The following AIMP1 variants were observed in gnomAD, a reference collection of about 807,000 sequenced individuals.
AIMP1 encodes the protein aminoacyl tRNA synthetase complex interacting multifunctional protein 1.
AIMP1 carries 24 observed loss-of-function variants against 33.1 expected under a neutral mutation model. The observed-to-expected ratio is 0.73, with a 90% confidence interval of 0.53 to 1.02. The LOEUF (loss-of-function observed/expected upper bound fraction) is 1.02. Among genes scored for constraint, AIMP1 ranks in the 50% least tolerant of loss-of-function variants. AIMP1 has a pLI of 0.00. For synonymous variants in AIMP1, 120 were observed against 121.5 expected (o/e 0.99, Z 0.08); for missense variants, 367 against 364.8 (o/e 1.01, Z -0.05).
chr4:106,344,326 C>G (rs771550518), intron 6 of AIMP1, among the ~76,000 whole-genome samples: 1 of 152,128 alleles, frequency 6.6e-6, no homozygotes, highest in Non-Finnish European at 1.5e-5. Context: ...GGGAAGGACA[C>G]ATATCCCATT....
Position 106,327,584 on chromosome 4 carries a change from T to A in AIMP1, c.223+20T>A. 1 of 1,576,224 alleles carries A rather than the reference T, an allele frequency of 6.3e-7. No individual in the cohort carries two copies. The highest frequency in any genetic ancestry group is 8.7e-7 in the Non-Finnish European group (1 of 1,148,328). Reference sequence around the variant, plus strand: ...ATGGAGGTAATTAAATATAGAAAATTTGAGTAATCCAGAAGTTAAGAAGTT... The same window carrying A: ...ATGGAGGTAATTAAATATAGAAAATATGAGTAATCCAGAAGTTAAGAAGTT... On this transcript the variant is annotated intron_variant, in intron 3 of 6. Coordinates refer to ENST00000672341, the MANE Select transcript of AIMP1 (RefSeq NM_001142416.2).
At chr4:106,323,490 T>G (rs756699143) in intron 1 of AIMP1, among the ~76,000 whole-genome samples, 2 of 152,110 alleles carry the variant, frequency 1.3e-5, no homozygotes, top group Admixed American at 6.5e-5. Flanking sequence ...ACCTTTAAAC[T>G]CTGCTATTTT....
At chr4:106,335,678 A>T (rs1409525176) in intron 5 of AIMP1, among the ~76,000 whole-genome samples, 1 of 152,146 alleles carries the variant, frequency 6.6e-6, no homozygotes. Context: ...TTCGAAGAGA[A>T]ATATTATTTA....
Position 106,348,034 on chromosome 4 carries a change from A to G in AIMP1, c.*342A>G, listed in dbSNP as rs1770370651. The G allele has an allele frequency of 5.4e-6, 1 of 185,986 alleles. No individual in the cohort carries two copies. Among genetic ancestry groups the G allele is most frequent in the Non-Finnish European group, 1.1e-5 (1 of 88,956 alleles). The allele number at this position is 185,986 out of a possible 1,614,324, so 11.5% of individuals were successfully genotyped here. The stretch of plus-strand genomic sequence containing the variant: ...TATTTGTAGGCACAGGATGCATGAA[A>G]TTTCAAGCTCTGGGATTTTTTGTAT... On this transcript the variant is annotated 3_prime_UTR_variant, in exon 7 of 7. Transcript: ENST00000672341.
chr4:106,349,250 A>T lies in AIMP1; in HGVS notation c.*1558A>T. The T allele has an allele frequency of 6.6e-6, 1 of 151,638 alleles. No individual in the cohort carries two copies. 9.4% of individuals were successfully genotyped at this position (151,638 alleles called of 1,614,324 possible). On this transcript the variant is annotated 3_prime_UTR_variant, in exon 7 of 7. Coordinates refer to ENST00000672341, the MANE Select transcript of AIMP1 (RefSeq NM_001142416.2). ...AGTCTTTTGTGAGTTTTTTGCTCTA[A>T]TTTTTCTCAATTATATTAAATTTCT...
At chr4:106,335,354 C>G (rs1464195809) in intron 5 of AIMP1, among the ~76,000 whole-genome samples, 1 of 151,830 alleles carries the variant, frequency 6.6e-6, no homozygotes, top group Non-Finnish European at 1.5e-5. Context: ...TTTTTCTCTT[C>G]CAGCAGCCAT....
chr4:106,327,982 T>A (rs1769518499), intron 3 of AIMP1, 94 bp from the exon 4 acceptor site: 4 of 1,537,706 alleles, frequency 2.6e-6, no homozygotes, highest in Non-Finnish European at 3.5e-6. Context: ...AATTTTTCAT[T>A]TAAAAAGAGT....
In AIMP1 at chr4:106,327,177, T is replaced by G. The variant is rs147461736; in HGVS notation, c.110-274T>G. On this transcript the variant is annotated intron_variant, in intron 2 of 6. Coordinates refer to ENST00000672341, the MANE Select transcript of AIMP1 (RefSeq NM_001142416.2). ...TGAAAAGGTGGTAATTTGATCTTAG[T>G]TAGCATCTTAATAGGAGCTAGGAAA... is the stretch of plus-strand genomic sequence containing the variant. Among the ~76,000 whole-genome samples the G allele has an allele frequency of 2.1e-3, 325 of 152,352 alleles. 1 individual carries two copies. Among genetic ancestry groups the G allele is most frequent in the African/African-American group, 7.5e-3 (311 of 41,576 alleles).
At chr4:106,319,822 G>T (rs1769146420) in intron 1 of AIMP1, among the ~76,000 whole-genome samples, 3 of 152,112 alleles carry the variant, frequency 2.0e-5, no homozygotes, top group Non-Finnish European at 4.4e-5. Context: ...AGCTGTTCCT[G>T]TGTTAGGATT....
chr4:106,332,039 A>G (rs1388203939), intron 5 of AIMP1, among the ~76,000 whole-genome samples, 156 bp downstream of exon 5: 3 of 152,228 alleles, frequency 2.0e-5, no homozygotes, highest in African/African-American at 7.2e-5. Flanking sequence ...ACACAAAAAA[A>G]GCATAAAACC....
chr4:106,331,164 A>G (rs889392833), intron 4 of AIMP1, among the ~76,000 whole-genome samples: 2 of 152,168 alleles, frequency 1.3e-5, no homozygotes, highest in East Asian at 3.9e-4. Flanking sequence ...TCATTCTGTC[A>G]TTTGGGTACT....
At chr4:106,322,471 A>T (rs1349144675) in intron 1 of AIMP1, among the ~76,000 whole-genome samples, 2 of 152,162 alleles carry the variant, frequency 1.3e-5, no homozygotes, top group Non-Finnish European at 2.9e-5. Flanking sequence ...CTATATTTTT[A>T]AAAAATTTAA....
At chr4:106,346,890 G>A (rs950415447) in intron 6 of AIMP1, among the ~76,000 whole-genome samples, 1 of 152,108 alleles carries the variant, frequency 6.6e-6, no homozygotes, top group Non-Finnish European at 1.5e-5. Flanking sequence ...AGGAAAAGAG[G>A]TTTAATTGGC....
At chr4:106,317,038 T>C (rs1278299142) in intron 1 of AIMP1, among the ~76,000 whole-genome samples, 1 of 152,218 alleles carries the variant, frequency 6.6e-6, no homozygotes, top group Non-Finnish European at 1.5e-5. Context: ...AGCTCACATT[T>C]TAGAGAGGAA....
Position 106,347,828 on chromosome 4 carries a change from G to C in AIMP1, c.*136G>C. The C allele has an allele frequency of 1.1e-6, 1 of 875,188 alleles. No individual in the cohort carries two copies. Among genetic ancestry groups the C allele is most frequent in the Non-Finnish European group, 1.7e-6 (1 of 585,278 alleles). 54.2% of individuals were successfully genotyped at this position (875,188 alleles called of 1,614,324 possible). On this transcript the variant is annotated 3_prime_UTR_variant, in exon 7 of 7. Transcript: ENST00000672341. ...CTAGACTTGACTAGTCATTTACTTGGTATATATTGTTTTCATTGATTGGGG... is the reference window on the plus strand; with the variant it reads ...CTAGACTTGACTAGTCATTTACTTGCTATATATTGTTTTCATTGATTGGGG...
chr4:106,336,430 C>G (rs1769887401), intron 5 of AIMP1, among the ~76,000 whole-genome samples: 1 of 151,886 alleles, frequency 6.6e-6, no homozygotes, highest in Non-Finnish European at 1.5e-5. Flanking sequence ...TAAATGTGTC[C>G]ATTTATTTTA....
At chr4:106,320,491 A>G (rs575268968) in intron 1 of AIMP1, among the ~76,000 whole-genome samples, 1 of 152,298 alleles carries the variant, frequency 6.6e-6, no homozygotes, top group South Asian at 2.1e-4. Context: ...AGGGAGTAGT[A>G]AAGTGTCTGT....
At chr4:106,327,099 T>C (rs1035797974) in intron 2 of AIMP1, among the ~76,000 whole-genome samples, 1 of 152,216 alleles carries the variant, frequency 6.6e-6, no homozygotes, top group Non-Finnish European at 1.5e-5. Flanking sequence ...ATTGACACTT[T>C]TGTGCCAGCT....
In AIMP1 at chr4:106,343,598, C is replaced by CT. The variant is rs1025618771; in HGVS notation, c.773-3927dup. Among the ~76,000 whole-genome samples the CT allele has an allele frequency of 2.1e-4, 32 of 152,208 alleles. 1 individual carries two copies. Among genetic ancestry groups the CT allele is most frequent in the Admixed American group, 2.6e-4 (4 of 15,294 alleles). On this transcript the variant is annotated intron_variant, in intron 6 of 6. Transcript: ENST00000672341. ...ATGAGAAATCATAGTGGTCTATGCTCTAACAACATTTTTTTGGAGATTACA... is the reference window on the plus strand; with the variant it reads ...ATGAGAAATCATAGTGGTCTATGCTCTTAACAACATTTTTTTGGAGATTACA...
Sources: gnomAD v4.1 joint callset for allele counts (sites outside exome capture counted in the v4.1 genomes callset) on GRCh38, gnomAD v4.1.1 for gene constraint, MANE v1.5 for transcripts, NCBI Gene and HGNC (gene_info 2026-07-23, HGNC 2026-07-21) for gene names.